The following ANKRD26 variants were observed in gnomAD, a reference collection of about 807,000 sequenced individuals.
The protein encoded by ANKRD26 is ankyrin repeat domain-containing protein 26.
A neutral mutation model predicts 208.7 loss-of-function variants in ANKRD26; 141 were observed. The ratio of observed to expected loss-of-function variants is 0.68; its 90% CI spans 0.59 to 0.78. ANKRD26 has a LOEUF of 0.78. ANKRD26 is among the 30% of genes least tolerant of loss of function. ANKRD26 has a pLI of 0.00. For synonymous variants in ANKRD26, 636 were observed against 660.4 expected (o/e 0.96, Z 0.57); for missense variants, 1,889 against 1,938.7 (o/e 0.97, Z 0.48).
intron 5 of ANKRD26, among the ~76,000 whole-genome samples, chr10:27,084,113 T>C (rs1444834193): frequency 6.7e-6 from 1 of 150,024 alleles, no homozygotes; most frequent in Non-Finnish European, 1.5e-5. Context: ...CTCAGGAGGC[T>C]GAGGCAGGAG....
downstream of ANKRD26, among the ~76,000 whole-genome samples, chr10:26,987,255 G>A (rs998140170): frequency 6.6e-6 from 1 of 151,862 alleles, no homozygotes; most frequent in Non-Finnish European, 1.5e-5. Context: ...ACAGGAAGGG[G>A]AACATCACAC....
At chr10:26,981,337 A>G (rs1016885364) in intron 4 of ANKRD26, among the ~76,000 whole-genome samples, 3 of 152,226 alleles carry the variant, frequency 2.0e-5, no homozygotes, top group African/African-American at 7.2e-5. Flanking sequence ...AGGATTTTAT[A>G]GGATGGTCTT....
Position 27,005,423 on chromosome 10 carries a change from C to T in ANKRD26, c.*167G>A. 7.4e-7 allele frequency: 1 copy of T among 1,352,186 alleles called. No homozygotes were observed. Among genetic ancestry groups the T allele is most frequent in the Non-Finnish European group, 9.5e-7 (1 of 1,054,360 alleles). 83.8% of individuals were successfully genotyped at this position (1,352,186 alleles called of 1,614,324 possible). On this transcript the variant is annotated 3_prime_UTR_variant, in exon 34 of 34. Transcript: ENST00000376087. ...TCCTGGTTTTCATTGGCAAAATCCA[C>T]TTAAAAGTTAAAGAAGCCAAGTAAC...
At chr10:27,080,033 T>A in intron 6 of ANKRD26, 1 of 400,500 alleles carries the variant, frequency 2.5e-6, no homozygotes, top group Admixed American at 2.9e-5. Context: ...GGTGTGTACC[T>A]GTGGTCCCAG....
At chr10:27,054,303 A>G (rs4749219) in intron 15 of ANKRD26, among the ~76,000 whole-genome samples, 112,134 of 152,164 alleles carry the variant, frequency 0.74, 41,585 homozygotes, top group African/African-American at 0.81. Flanking sequence ...ATGTAAATAA[A>G]ACCGGGTACG....
Position 27,024,473 on chromosome 10 carries a change from A to G in ANKRD26, c.4059T>C (p.Asn1353=). Residue 1353 remains asparagine (N), a synonymous_variant, in exon 28 of 34, where the codon AAT becomes AAC. Transcript: ENST00000376087. ...CAGTTATCTCTCTTTCTAATTCAAC[A>G]TTTTTCTTCATTTCTTGATCCAAAT... The part of the protein sequence containing the change: ...ECNLDQEMKK[N]VELEREITGF... The G allele has an allele frequency of 6.4e-7, 1 of 1,551,290 alleles. No homozygotes were observed. Among genetic ancestry groups the G allele is most frequent in the Non-Finnish European group, 8.9e-7 (1 of 1,127,312 alleles).
chr10:27,073,404 T>C (rs2055576220), intron 9 of ANKRD26, among the ~76,000 whole-genome samples: 1 of 152,174 alleles, frequency 6.6e-6, no homozygotes, highest in Non-Finnish European at 1.5e-5. Context: ...CAGGCTTGCA[T>C]GAGGACCACA....
chr10:27,032,423 T>C (rs2053895719), intron 25 of ANKRD26, among the ~76,000 whole-genome samples: 1 of 151,794 alleles, frequency 6.6e-6, no homozygotes, highest in South Asian at 2.1e-4. Flanking sequence ...TCACCTGAGG[T>C]TAGGAGTTTG....
downstream of ANKRD26, among the ~76,000 whole-genome samples, chr10:27,002,478 G>A (rs773837452): frequency 3.3e-5 from 5 of 152,084 alleles, no homozygotes; most frequent in Admixed American, 2.6e-4. Flanking sequence ...ATGTGCTGAC[G>A]TCATGACATG....
At chr10:27,058,170 T>C (rs1212950079) in intron 15 of ANKRD26, among the ~76,000 whole-genome samples, 1 of 152,182 alleles carries the variant, frequency 6.6e-6, no homozygotes, top group East Asian at 1.9e-4. Flanking sequence ...AGTGAAACTT[T>C]AAAGGCCATT....
At chr10:27,013,958 T>C (rs1331232406) in intron 31 of ANKRD26, among the ~76,000 whole-genome samples, 1 of 152,122 alleles carries the variant, frequency 6.6e-6, no homozygotes, top group Non-Finnish European at 1.5e-5. Context: ...CGTTAATCAT[T>C]CCCTATTTCA....
chr10:27,083,325 G>GA (rs898025025), intron 5 of ANKRD26, among the ~76,000 whole-genome samples: 13 of 147,884 alleles, frequency 8.8e-5, no homozygotes, highest in Admixed American at 4.0e-4. Flanking sequence ...CTTTCACAAG[G>GA]AAAAAAAACC....
At chr10:26,976,573 T>C (rs937437021) in intron 5 of ANKRD26, among the ~76,000 whole-genome samples, 2 of 152,218 alleles carry the variant, frequency 1.3e-5, no homozygotes, top group African/African-American at 4.8e-5. Context: ...TGTCTTCCTC[T>C]AGGTCAGAGG....
chr10:27,092,201 T>A (rs1026807891), intron 4 of ANKRD26, among the ~76,000 whole-genome samples: 3 of 152,200 alleles, frequency 2.0e-5, no homozygotes, highest in Admixed American at 1.3e-4. Context: ...AACTGATTTG[T>A]GTTGCTATTT....
At chr10:27,010,598 T>G (rs1389787314) in intron 32 of ANKRD26, among the ~76,000 whole-genome samples, 1 of 152,104 alleles carries the variant, frequency 6.6e-6, no homozygotes, top group East Asian at 1.9e-4. Context: ...TGAGCTCAAG[T>G]GATTCTCCTG....
chr10:27,031,190 C>T (rs567650156), intron 25 of ANKRD26, among the ~76,000 whole-genome samples: 3 of 152,288 alleles, frequency 2.0e-5, no homozygotes, highest in African/African-American at 7.2e-5. Context: ...GCCTGATTAA[C>T]TCTGAAGATA....
chr10:27,094,943 T>G (rs928362176), intron 1 of ANKRD26, among the ~76,000 whole-genome samples: 2 of 150,664 alleles, frequency 1.3e-5, no homozygotes, highest in Admixed American at 1.3e-4. Context: ...GAGGCTGTAG[T>G]GAGCTGTGAT....
the ANKRD26 span, among the ~76,000 whole-genome samples, chr10:26,951,682 G>T: frequency 6.6e-6 from 1 of 152,110 alleles, no homozygotes; most frequent in African/African-American, 2.4e-5. Context: ...TCATATATTT[G>T]TTTATCTTAG....
the ANKRD26 span, among the ~76,000 whole-genome samples, chr10:26,952,792 T>C: frequency 4.6e-5 from 7 of 152,222 alleles, no homozygotes; most frequent in Admixed American, 1.3e-4. Context: ...AAGTAGTTCT[T>C]TTGACCCAAC....
Sources: gnomAD v4.1 joint callset for allele counts (sites outside exome capture counted in the v4.1 genomes callset) on GRCh38, gnomAD v4.1.1 for gene constraint, MANE v1.5 for transcripts, NCBI Gene and HGNC (gene_info 2026-07-23, HGNC 2026-07-21) for gene names.